Variants in NKAIN2 observed in about 807,000 individuals in gnomAD.
The protein encoded by NKAIN2 is sodium/potassium-transporting ATPase subunit beta-1-interacting protein 2.
A neutral mutation model predicts 32.6 loss-of-function variants in NKAIN2; 14 were observed. The ratio of observed to expected loss-of-function variants is 0.43; its 90% CI spans 0.28 to 0.67. The LOEUF is 0.67. NKAIN2 is among the 30% of genes least tolerant of loss of function. The probability of loss-of-function intolerance (pLI) is 0.17; values close to 1 mark genes in which losing one functional copy is unlikely to be tolerated. For missense variants in NKAIN2, 198 were observed against 258.3 expected (o/e 0.77, Z 1.60); for synonymous variants, 80 against 87.2 (o/e 0.92, Z 0.46).
intron 4 of NKAIN2, among the ~76,000 whole-genome samples, chr6:124,767,521 A>G (rs1240195475): frequency 1.3e-5 from 2 of 152,168 alleles, no homozygotes; most frequent in Non-Finnish European, 2.9e-5. Flanking sequence ...GGCAGGTCTT[A>G]AACTCCAAAT....
chr6:123,991,345 A>G (rs1044418467), intron 1 of NKAIN2, among the ~76,000 whole-genome samples: 1 of 152,074 alleles, frequency 6.6e-6, no homozygotes, highest in Admixed American at 6.6e-5. Context: ...CAGGCATGAG[A>G]TGGGGTAGGC....
At chr6:124,663,772 A>T (rs1772618414) in intron 4 of NKAIN2, among the ~76,000 whole-genome samples, 1 of 152,156 alleles carries the variant, frequency 6.6e-6, no homozygotes, top group Non-Finnish European at 1.5e-5. Context: ...TTGAAGGAAG[A>T]CCTAATAGAT....
intron 3 of NKAIN2, among the ~76,000 whole-genome samples, chr6:124,588,950 G>T (rs1406540104): frequency 2.0e-5 from 3 of 151,970 alleles, no homozygotes; most frequent in Non-Finnish European, 4.4e-5. Context: ...GTATTTTCCC[G>T]TTATGGCAAA....
intron 3 of NKAIN2, among the ~76,000 whole-genome samples, chr6:124,595,842 A>G (rs1782066746): frequency 6.6e-6 from 1 of 152,168 alleles, no homozygotes; most frequent in Non-Finnish European, 1.5e-5. Flanking sequence ...CTGCAGAGCT[A>G]ATTACACATA....
At chr6:124,454,271 CTGTT>C (rs1223465289) in intron 3 of NKAIN2, among the ~76,000 whole-genome samples, 2 of 151,892 alleles carry the variant, frequency 1.3e-5, no homozygotes, top group Non-Finnish European at 2.9e-5. Context: ...TTCATTCTTT[CTGTT>C]TTAGTCCAGT....
intron 5 of NKAIN2, among the ~76,000 whole-genome samples, chr6:124,805,751 G>T (rs1386846174): frequency 6.6e-6 from 1 of 152,186 alleles, no homozygotes; most frequent in African/African-American, 2.4e-5. Flanking sequence ...AAAAAATTTA[G>T]ACGAATGTAT....
chr6:124,677,997 G>A (rs1389912926), intron 4 of NKAIN2, among the ~76,000 whole-genome samples: 1 of 151,820 alleles, frequency 6.6e-6, no homozygotes, highest in African/African-American at 2.4e-5. Flanking sequence ...ATTTTTTGCT[G>A]GTAGTGTTTT....
intron 3 of NKAIN2, among the ~76,000 whole-genome samples, chr6:124,633,186 G>A (rs375702720): frequency 2.6e-5 from 4 of 152,084 alleles, no homozygotes; most frequent in East Asian, 1.9e-4. Flanking sequence ...GAGAATAATC[G>A]ATTTGAAATC....
intron 1 of NKAIN2, among the ~76,000 whole-genome samples, chr6:123,923,698 A>T (rs185796370): frequency 6.7e-6 from 1 of 149,410 alleles, no homozygotes; most frequent in African/African-American, 2.5e-5. Flanking sequence ...AGAACAAAAA[A>T]CCAAACACCG....
chr6:124,411,828 A>G, intron 3 of NKAIN2, among the ~76,000 whole-genome samples: 1 of 152,142 alleles, frequency 6.6e-6, no homozygotes, highest in South Asian at 2.1e-4. Flanking sequence ...CCAATCAGAC[A>G]TGGATTTGGT....
chr6:124,382,072 C>A (rs1322587), intron 3 of NKAIN2, among the ~76,000 whole-genome samples: 2 of 151,890 alleles, frequency 1.3e-5, no homozygotes, highest in South Asian at 2.1e-4. Context: ...AACAGTATTT[C>A]TTTTTCTCTC....
At chr6:124,340,181 A>G (rs2115079666) in intron 2 of NKAIN2, among the ~76,000 whole-genome samples, 1 of 152,318 alleles carries the variant, frequency 6.6e-6, no homozygotes, top group Admixed American at 6.5e-5. Flanking sequence ...AAAAACAAGT[A>G]GTGATGAATA....
chr6:124,768,259 C>A (rs764848603), intron 4 of NKAIN2, among the ~76,000 whole-genome samples: 2 of 152,056 alleles, frequency 1.3e-5, no homozygotes, highest in Non-Finnish European at 1.5e-5. Flanking sequence ...TATAACAAAC[C>A]AGGATGGAGC....
intron 3 of NKAIN2, among the ~76,000 whole-genome samples, chr6:124,518,124 G>T (rs1773396782): frequency 2.6e-5 from 4 of 151,690 alleles, no homozygotes; most frequent in African/African-American, 9.7e-5. Context: ...TTTAAAAAAA[G>T]GAAGAATTTA....
At chr6:124,357,383 T>A (rs1048114866) in intron 3 of NKAIN2, among the ~76,000 whole-genome samples, 1 of 152,182 alleles carries the variant, frequency 6.6e-6, no homozygotes, top group African/African-American at 2.4e-5. Context: ...TGCCTCACAT[T>A]CTTCAGGTAA....
chr6:124,366,755 C>A (rs1264271676), intron 3 of NKAIN2, among the ~76,000 whole-genome samples: 1 of 151,694 alleles, frequency 6.6e-6, no homozygotes, highest in African/African-American at 2.4e-5. Context: ...GGTGAAACCC[C>A]ATCGCTACCA....
At chr6:124,272,532 T>G (rs1794840052) in intron 1 of NKAIN2, among the ~76,000 whole-genome samples, 1 of 152,216 alleles carries the variant, frequency 6.6e-6, no homozygotes, top group African/African-American at 2.4e-5. Context: ...AGAGGTGTGC[T>G]GCAGAGATGG....
rs1392069585 is a variant in NKAIN2 at position 123,820,991 on chromosome 6, T to G, written c.54+16737T>G. Among the ~76,000 whole-genome samples, 6 of 152,194 alleles carry G rather than the reference T, an allele frequency of 3.9e-5. No individual in the cohort carries two copies. The East Asian group carries it at 1.2e-3, about 29-fold the overall frequency. ...ACAAACCATAGCGGGGAAAACACTTTAGCTGTTTCACAATGAATTGGCCTC... is the reference window on the plus strand; with the variant it reads ...ACAAACCATAGCGGGGAAAACACTTGAGCTGTTTCACAATGAATTGGCCTC... On this transcript the variant is annotated intron_variant, in intron 1 of 6. Coordinates refer to ENST00000368417, the MANE Select transcript of NKAIN2 (RefSeq NM_001040214.3).
chr6:124,522,327 A>G (rs1779147684), intron 3 of NKAIN2, among the ~76,000 whole-genome samples: 1 of 152,146 alleles, frequency 6.6e-6, no homozygotes, highest in Admixed American at 6.5e-5. Flanking sequence ...TTACCACTCA[A>G]TCATGTACAC....
Sources: gnomAD v4.1 joint callset for allele counts (sites outside exome capture counted in the v4.1 genomes callset) on GRCh38, gnomAD v4.1.1 for gene constraint, MANE v1.5 for transcripts, NCBI Gene and HGNC (gene_info 2026-07-23, HGNC 2026-07-21) for gene names.